Variants in ARHGAP8 observed in about 807,000 individuals in gnomAD.
The protein encoded by ARHGAP8 is rho GTPase-activating protein 8.
A neutral mutation model predicts 46.1 loss-of-function variants in ARHGAP8; 62 were observed. The ratio of observed to expected loss-of-function variants is 1.34; its 90% CI spans 1.10 to 1.66. ARHGAP8 has a LOEUF of 1.66. Ranked by LOEUF, ARHGAP8 falls within the 40% of genes most tolerant of loss-of-function variation. The pLI, the probability that ARHGAP8 is intolerant of heterozygous loss-of-function variation, is 0.00. For missense variants in ARHGAP8, 923 were observed against 568.4 expected, an observed-to-expected ratio of 1.62 and a Z score of -6.34; for synonymous variants, 375 against 243.1, an observed-to-expected ratio of 1.54 and a Z score of -5.05.
chr22:44,839,486 C>T (rs1422218046), intron 7 of ARHGAP8, among the ~76,000 whole-genome samples: 1 of 152,192 alleles, frequency 6.6e-6, no homozygotes, highest in East Asian at 1.9e-4. Context: ...CACTCGATAC[C>T]ATGTGCACCT....
intron 7 of ARHGAP8, among the ~76,000 whole-genome samples, chr22:44,845,013 G>A (rs1323839630): frequency 6.6e-6 from 1 of 152,036 alleles, no homozygotes; most frequent in Non-Finnish European, 1.5e-5. Context: ...TGCCCCCTGG[G>A]GAAGCCCTCC....
rs201566003 is a variant in ARHGAP8 at position 44,862,339 on chromosome 22, A to T, written c.1046A>T (p.Asn349Ile). 3.1e-6 allele frequency: 5 copies of T among 1,613,984 alleles called. No individual in the cohort carries two copies. Among genetic ancestry groups the T allele is most frequent in the Non-Finnish European group, 4.2e-6 (5 of 1,179,918 alleles). The change falls in exon 12 of 12, where the codon AAT (asparagine) becomes ATT (isoleucine). Residue 349 changes from asparagine (N) to isoleucine (I), a missense_variant. Transcript: ENST00000356099. Reference protein sequence around the residue: ...SSNLACVFGLNLIWPSQGVSS... With the variant: ...SSNLACVFGLILIWPSQGVSS... ...AACCTGGCCTGTGTCTTCGGGCTGA[A>T]TTTGATCTGGCCATCCCAGGGGGTC...
intron 7 of ARHGAP8, among the ~76,000 whole-genome samples, chr22:44,834,480 A>G (rs1433915031): frequency 6.6e-6 from 1 of 151,952 alleles, no homozygotes; most frequent in Admixed American, 6.6e-5. Flanking sequence ...ACTTTGTATG[A>G]TTTAACTTCT....
At chr22:44,840,694 A>AT (rs908392665) in intron 7 of ARHGAP8, among the ~76,000 whole-genome samples, 15 of 151,922 alleles carry the variant, frequency 9.9e-5, no homozygotes, top group African/African-American at 3.4e-4. Flanking sequence ...GGTTGGAATG[A>AT]TTTTTGTCAG....
chr22:44,858,911 T>G (rs1199482904), intron 10 of ARHGAP8, among the ~76,000 whole-genome samples: 3 of 151,526 alleles, frequency 2.0e-5, no homozygotes, highest in Non-Finnish European at 4.4e-5. Flanking sequence ...ATGTTAGGCT[T>G]TGTGGGCCTT....
intron 8 of ARHGAP8, among the ~76,000 whole-genome samples, chr22:44,847,411 C>T (rs969674858): frequency 6.6e-6 from 1 of 152,204 alleles, no homozygotes; most frequent in Non-Finnish European, 1.5e-5. Context: ...GCCACCAGCC[C>T]CTGTGGCAGT....
intron 1 of ARHGAP8, among the ~76,000 whole-genome samples, chr22:44,762,861 C>G (rs1219125626): frequency 1.3e-5 from 2 of 152,090 alleles, no homozygotes; most frequent in African/African-American, 4.8e-5. Flanking sequence ...GCTCTCTTGA[C>G]CGTACCTGAG....
chr22:44,859,831 T>G lies in ARHGAP8; in HGVS notation c.978T>G (p.His326Gln). 1.9e-6 allele frequency: 3 copies of G among 1,613,462 alleles called. No homozygotes were observed. Among genetic ancestry groups the G allele is most frequent in the Non-Finnish European group, 2.5e-6 (3 of 1,179,710 alleles). ...VVLRYLMGFL[H>Q]AVSRESIFNK... The stretch of plus-strand genomic sequence containing the variant: ...TCCGCTACCTCATGGGCTTCCTGCA[T>G]GCGGTGAGTGGGGAAGGGGGGAGCT... The change falls in exon 11 of 12, where the codon CAT becomes CAG. Residue 326 changes from histidine (H) to glutamine (Q), a missense_variant. Transcript: ENST00000356099.
At chr22:44,832,608 C>T (rs1931022621) in intron 7 of ARHGAP8, among the ~76,000 whole-genome samples, 1 of 152,146 alleles carries the variant, frequency 6.6e-6, no homozygotes, top group Non-Finnish European at 1.5e-5. Flanking sequence ...GATCTTGTAT[C>T]ATGCAACCCT....
At chr22:44,845,172 GT>G in intron 7 of ARHGAP8, 96 bp from the exon 8 acceptor site, 2 of 1,490,874 alleles carry the variant, frequency 1.3e-6, no homozygotes, top group Non-Finnish European at 1.8e-6. Context: ...TGGGTCCTGT[GT>G]TTTCACAGGG....
At chr22:44,754,437 C>T (rs1402879057) in intron 1 of ARHGAP8, among the ~76,000 whole-genome samples, 6 of 151,704 alleles carry the variant, frequency 4.0e-5, no homozygotes, top group South Asian at 4.2e-4. Flanking sequence ...CTCACTGCAA[C>T]CTCTGCCTCC....
rs185075117 is a variant in ARHGAP8, at chr22:44,860,586, T to G, written c.981+752T>G. On this transcript the variant is annotated intron_variant, in intron 11 of 11. Coordinates refer to ENST00000356099, the MANE Select transcript of ARHGAP8 (RefSeq NM_181335.3). ...GCAACGGCCCTCGTTCCAAATAAGGTCACAGTCAGATTCTCTGTGGTCTAT... is the reference window on the plus strand; with the variant it reads ...GCAACGGCCCTCGTTCCAAATAAGGGCACAGTCAGATTCTCTGTGGTCTAT... Among the ~76,000 whole-genome samples the G allele has an allele frequency of 4.4e-3, 669 of 152,042 alleles. 2 individuals carry two copies. Among genetic ancestry groups the G allele is most frequent in the African/African-American group, 0.015 (640 of 41,458 alleles).
At chr22:44,813,474 TACAG>T (rs962869436) in intron 4 of ARHGAP8, among the ~76,000 whole-genome samples, 11 of 145,884 alleles carry the variant, frequency 7.5e-5, no homozygotes, top group South Asian at 4.4e-4. Flanking sequence ...TACACCCACA[TACAG>T]ACACCTACAT....
In ARHGAP8 at chr22:44,757,974, A is replaced by G. The variant is rs371008212; in HGVS notation, c.-72+5347A>G. The stretch of plus-strand genomic sequence containing the variant: ...CCAGGCTGTGCTGCTTTTTCATAGC[A>G]GCCAGTGGTCTCCACCTCAGAGGTA... On this transcript the variant is annotated intron_variant, in intron 1 of 11. Coordinates refer to ENST00000356099, the MANE Select transcript of ARHGAP8 (RefSeq NM_181335.3). Among the ~76,000 whole-genome samples the G allele has an allele frequency of 2.6e-5, 4 of 152,128 alleles. No individual in the cohort carries two copies. In the East Asian group the frequency reaches 7.7e-4, roughly 29 times the overall value.
intron 7 of ARHGAP8, among the ~76,000 whole-genome samples, chr22:44,837,603 C>T (rs979284490): frequency 6.6e-6 from 1 of 152,314 alleles, no homozygotes; most frequent in Middle Eastern, 3.4e-3. Context: ...GGAAACACAG[C>T]ACATCTGCCA....
chr22:44,850,219 TTTC>T (rs1240380585), intron 10 of ARHGAP8: 1 of 152,166 alleles, frequency 6.6e-6, no homozygotes, highest in Non-Finnish European at 1.5e-5. Context: ...TGCAACGCCC[TTTC>T]TGAGATGGGG....
At chr22:44,835,147 T>A (rs1461829013) in intron 7 of ARHGAP8, among the ~76,000 whole-genome samples, 1 of 152,042 alleles carries the variant, frequency 6.6e-6, no homozygotes, top group Non-Finnish European at 1.5e-5. Flanking sequence ...ATGTCTTTTT[T>A]GTTCCTTTAT....
At chr22:44,847,159 G>A (rs966665198) in intron 8 of ARHGAP8, among the ~76,000 whole-genome samples, 4 of 152,188 alleles carry the variant, frequency 2.6e-5, no homozygotes, top group African/African-American at 9.7e-5. Context: ...ATGCACCGCA[G>A]GCCCCCCAAG....
At chr22:44,858,707 A>C (rs2070319698) in intron 10 of ARHGAP8, among the ~76,000 whole-genome samples, 3 of 146,878 alleles carry the variant, frequency 2.0e-5, no homozygotes, top group Non-Finnish European at 4.5e-5. Context: ...ATGGAGCTCC[A>C]GTGGTAGATG....
Sources: allele counts gnomAD v4.1 joint callset (sites outside exome capture counted in the v4.1 genomes callset), GRCh38; gene constraint gnomAD v4.1.1; transcripts MANE v1.5; gene names NCBI Gene and HGNC (gene_info 2026-07-23, HGNC 2026-07-21).